FHIT: variants seen among roughly 807,000 people sequenced by gnomAD.
FHIT encodes the protein bis(5'-adenosyl)-triphosphatase.
In FHIT, 19 loss-of-function variants were observed where a neutral mutation model predicts 17.9. The observed-to-expected ratio is 1.06, with a 90% CI of 0.74 to 1.56. FHIT has a LOEUF of 1.56. FHIT is among the 40% of genes most tolerant of loss of function. The probability of loss-of-function intolerance (pLI) is 0.00; values close to 1 mark genes in which losing one functional copy is unlikely to be tolerated. For missense variants in FHIT, 248 were observed against 189.2 expected (o/e 1.31, Z -1.82); for synonymous variants, 81 against 69.7 (o/e 1.16, Z -0.81).
intron 5 of FHIT, among the ~76,000 whole-genome samples, chr3:60,264,486 C>T (rs1706471162): frequency 6.6e-6 from 1 of 151,910 alleles, no homozygotes; most frequent in Non-Finnish European, 1.5e-5. Flanking sequence ...GACTTGAAAA[C>T]CTCTTCTGTA....
At chr3:60,584,090 C>G (rs2037830836) in intron 4 of FHIT, among the ~76,000 whole-genome samples, 1 of 151,998 alleles carries the variant, frequency 6.6e-6, no homozygotes, top group South Asian at 2.1e-4. Context: ...GAAAATAGCT[C>G]CACAGAATGA....
intron 3 of FHIT, among the ~76,000 whole-genome samples, chr3:60,938,538 T>C (rs1391570604): frequency 6.6e-6 from 1 of 152,228 alleles, no homozygotes; most frequent in Non-Finnish European, 1.5e-5. Flanking sequence ...AATACATTCA[T>C]TCCCTTCCTG....
At chr3:60,814,824 A>G (rs1265838794) in intron 4 of FHIT, among the ~76,000 whole-genome samples, 3 of 151,964 alleles carry the variant, frequency 2.0e-5, no homozygotes, top group African/African-American at 7.3e-5. Context: ...CATTCCCACC[A>G]ACAGTGTATA....
chr3:60,069,165 G>C (rs1294352881), intron 5 of FHIT, among the ~76,000 whole-genome samples: 1 of 152,168 alleles, frequency 6.6e-6, no homozygotes, highest in Admixed American at 6.5e-5. Context: ...ACAGTGCTTG[G>C]AAAGATACAC....
At chr3:60,497,315 A>G (rs2034341114) in intron 5 of FHIT, among the ~76,000 whole-genome samples, 1 of 152,214 alleles carries the variant, frequency 6.6e-6, no homozygotes, top group Non-Finnish European at 1.5e-5. Context: ...ATAACTTTTC[A>G]TTCTAAGAAA....
At chr3:60,012,150 C>A (rs1164057851) in intron 6 of FHIT, among the ~76,000 whole-genome samples, 2 of 151,972 alleles carry the variant, frequency 1.3e-5, no homozygotes, top group Non-Finnish European at 2.9e-5. Context: ...TTAAGCATAA[C>A]TGTGTATATC....
chr3:59,957,148 A>C (rs2107329615), intron 7 of FHIT, among the ~76,000 whole-genome samples: 1 of 152,286 alleles, frequency 6.6e-6, no homozygotes, highest in Non-Finnish European at 1.5e-5. Context: ...AGTACCTCTC[A>C]ATGTGACTTT....
At chr3:60,522,713 AG>A (rs1015591572) in intron 5 of FHIT, among the ~76,000 whole-genome samples, 3 of 152,200 alleles carry the variant, frequency 2.0e-5, no homozygotes, top group Non-Finnish European at 4.4e-5. Context: ...TCCTTGAGGA[AG>A]AATTCACAGA....
At chr3:60,031,236 A>G (rs1700987006) in intron 5 of FHIT, among the ~76,000 whole-genome samples, 1 of 152,234 alleles carries the variant, frequency 6.6e-6, no homozygotes, top group Non-Finnish European at 1.5e-5. Context: ...GATCTTATTG[A>G]CAGGGATAGT....
chr3:61,235,772 C>T (rs542627485), intron 1 of FHIT, among the ~76,000 whole-genome samples: 32 of 152,184 alleles, frequency 2.1e-4, no homozygotes, highest in Middle Eastern at 3.4e-3. Context: ...ATTTACTTAG[C>T]GTTCCCTATG....
rs536467812 is a variant in FHIT, at chr3:60,582,987, C to T, written c.-17-46008G>A. 5.9e-5 allele frequency among the ~76,000 whole-genome samples: 9 copies of T among 151,956 alleles called. No homozygotes were observed. In the South Asian group the frequency reaches 8.3e-4, roughly 14 times the overall value. Reference sequence around the variant, plus strand: ...TGCCTGACTTCAAAACCAGCCCTTGCAATCACCAATGATACCGCTTTACTG... The same window carrying T: ...TGCCTGACTTCAAAACCAGCCCTTGTAATCACCAATGATACCGCTTTACTG... On this transcript the variant is annotated intron_variant, in intron 4 of 9. Transcript: ENST00000492590.
At chr3:60,146,559 C>T (rs1451963047) in intron 5 of FHIT, among the ~76,000 whole-genome samples, 6 of 152,130 alleles carry the variant, frequency 3.9e-5, no homozygotes, top group Admixed American at 3.9e-4. Flanking sequence ...CCTCTTAAAA[C>T]TAAACATTAC....
chr3:60,835,350 T>G (rs1216109593), intron 3 of FHIT, among the ~76,000 whole-genome samples: 1 of 152,200 alleles, frequency 6.6e-6, no homozygotes, highest in Non-Finnish European at 1.5e-5. Context: ...GACTTTCAAA[T>G]CATGAACACA....
At chr3:60,292,871 A>G (rs1425321842) in intron 5 of FHIT, among the ~76,000 whole-genome samples, 1 of 146 alleles carries the variant, frequency 6.8e-3, no homozygotes, top group African/African-American at 0.023. Context: ...CTATTATTAA[A>G]TCCCTGATAG....
chr3:60,207,838 G>T (rs1454057857), intron 5 of FHIT, among the ~76,000 whole-genome samples: 1 of 152,066 alleles, frequency 6.6e-6, no homozygotes, highest in African/African-American at 2.4e-5. Context: ...ACATGGTAGG[G>T]GTAATGTATT....
intron 5 of FHIT, among the ~76,000 whole-genome samples, chr3:60,372,443 C>A (rs1011422660): frequency 2.0e-4 from 31 of 152,156 alleles, no homozygotes; most frequent in Non-Finnish European, 3.7e-4. Flanking sequence ...GAGTTAATGT[C>A]ATGAGTCTGT....
chr3:59,979,264 T>C (rs2107422783), intron 7 of FHIT, among the ~76,000 whole-genome samples: 1 of 152,248 alleles, frequency 6.6e-6, no homozygotes, highest in East Asian at 1.9e-4. Context: ...CATGGCAGAA[T>C]TTTAGATTCA....
chr3:60,710,089 A>C (rs1370292858), intron 4 of FHIT, among the ~76,000 whole-genome samples: 3 of 151,976 alleles, frequency 2.0e-5, no homozygotes, highest in Non-Finnish European at 2.9e-5. Flanking sequence ...AAAAAAAAAA[A>C]AAAAAACTCA....
intron 3 of FHIT, among the ~76,000 whole-genome samples, chr3:60,928,917 G>C (rs1707800530): frequency 6.6e-6 from 1 of 152,124 alleles, no homozygotes. Flanking sequence ...AACAAAAAAA[G>C]ACAATTTTAG....
Sources: allele counts gnomAD v4.1 joint callset (sites outside exome capture counted in the v4.1 genomes callset), GRCh38; gene constraint gnomAD v4.1.1; transcripts MANE v1.5; gene names NCBI Gene and HGNC (gene_info 2026-07-23, HGNC 2026-07-21).